Variants in NUF2 observed in about 807,000 individuals in gnomAD.
The protein encoded by NUF2 is NUF2 component of NDC80 kinetochore complex.
A neutral mutation model predicts 61.8 loss-of-function variants in NUF2; 34 were observed. The observed-to-expected ratio is 0.55, with a 90% CI of 0.42 to 0.73. The LOEUF is 0.73. NUF2 is among the 30% of genes least tolerant of loss of function. The pLI is 0.00. For missense variants in NUF2, 445 were observed against 539.1 expected (o/e 0.83, Z 1.73); for synonymous variants, 172 against 181.6 (o/e 0.95, Z 0.42).
Position 163,328,276 on chromosome 1 carries a change from T to A in NUF2, c.247T>A (p.Leu83Ile), listed in dbSNP as rs1319702851. Residue 83 changes from leucine to isoleucine, a missense_variant, in exon 4 of 14, where the codon TTA becomes ATA. Physicochemically the swap from Leu to Ile is conservative, Grantham distance 5 (BLOSUM62 2). Transcript: ENST00000271452. ...GTATCCACATTTAATGGAAGGCTTC[T>A]TACCATTCAGCAATTTAGTTACTCA... ...VMYPHLMEGF[L>I]PFSNLVTHLD... The A allele has an allele frequency of 1.2e-6, 2 of 1,608,080 alleles. No homozygotes were observed. Among genetic ancestry groups the A allele is most frequent in the African/African-American group, 2.7e-5 (2 of 74,820 alleles).
intron 5 of NUF2, 90 bp downstream of exon 5, chr1:163,328,997 A>G (rs1650517346): frequency 3.1e-6 from 2 of 645,376 alleles, no homozygotes; most frequent in Admixed American, 3.0e-5. Context: ...AAAAAAAGGA[A>G]AAAAACAACT....
chr1:163,345,796 A>C lies in NUF2; in HGVS notation c.926A>C (p.Lys309Thr). Residue 309 changes from lysine to threonine, a missense_variant, in exon 11 of 14, where the codon AAA (lysine) becomes ACA (threonine). By Grantham distance (78) the Lys-to-Thr change is moderately conservative (BLOSUM62 -1). Transcript: ENST00000271452. ...CAGGACCTTTCAGATAATAGGGAAA[A>C]ATTAGCCAGTATCTTAAAGGAGGTT... ...KIQDLSDNRE[K>T]LASILKESLN... 1 of 1,605,782 alleles carries C rather than the reference A, an allele frequency of 6.2e-7. No homozygotes were observed. The highest frequency in any genetic ancestry group is 8.5e-7 in the Non-Finnish European group (1 of 1,174,262).
At chr1:163,350,201 C>T (rs1651266537) in intron 13 of NUF2, among the ~76,000 whole-genome samples, 1 of 151,508 alleles carries the variant, frequency 6.6e-6, no homozygotes, top group Admixed American at 6.6e-5. Context: ...ACTCGGGAGG[C>T]TGAGGCAGGA....
rs757825693 is a variant in NUF2 at position 163,347,769 on chromosome 1, A to T, written c.955A>T (p.Asn319Tyr). The part of the protein sequence containing the change: ...KLASILKESL[N>Y]LEDQIESDES... ...TACTTCTTATAAAATACAGAGCCTG[A>T]ACTTGGAGGACCAAATTGAGAGTGA... Residue 319 changes from asparagine (N) to tyrosine (Y), a missense_variant, in exon 12 of 14, where the codon AAC becomes TAC. Asn to Tyr is a moderately radical substitution (Grantham distance 143). Coordinates refer to ENST00000271452, the MANE Select transcript of NUF2 (RefSeq NM_145697.3). The T allele has an allele frequency of 6.4e-7, 1 of 1,563,226 alleles. No individual in the cohort carries two copies.
chr1:163,355,384 T>C lies in NUF2; in HGVS notation c.1310T>C (p.Ile437Thr), dbSNP rs747780282. 6.2e-7 allele frequency: 1 copy of C among 1,608,884 alleles called. No homozygotes were observed. Among genetic ancestry groups the C allele is most frequent in the Middle Eastern group, 1.7e-4 (1 of 6,042 alleles). The change falls in exon 14 of 14, where the codon ATT becomes ACT. Residue 437 changes from isoleucine to threonine, a missense_variant. Coordinates refer to ENST00000271452, the MANE Select transcript of NUF2 (RefSeq NM_145697.3). ...KTALEKYHDG[I>T]EKAAEDSYAK... ...GCTTTGGAGAAATACCACGACGGTA[T>C]TGAAAAGGCAGCAGAGGACTCCTAT...
At chr1:163,328,186 T>G in intron 3 of NUF2, 42 bp from the exon 4 acceptor site, 2 of 1,287,922 alleles carry the variant, frequency 1.6e-6, no homozygotes, top group Non-Finnish European at 2.2e-6. Context: ...TCATTTTGTC[T>G]AATCAATGTG....
intron 13 of NUF2, among the ~76,000 whole-genome samples, chr1:163,354,565 A>G (rs1366338284): frequency 6.6e-6 from 1 of 152,146 alleles, no homozygotes; most frequent in Non-Finnish European, 1.5e-5. Context: ...GACACTTAAA[A>G]TTGAGAACAT....
intron 5 of NUF2, among the ~76,000 whole-genome samples, chr1:163,331,053 C>T (rs1177464578): frequency 7.1e-6 from 1 of 139,950 alleles, no homozygotes; most frequent in Non-Finnish European, 1.5e-5. Flanking sequence ...CGTTTCTGCA[C>T]TGGCTGGGAC....
chr1:163,321,979 T>G lies in NUF2; in HGVS notation c.-254T>G, dbSNP rs1437302250. On this transcript the variant is annotated 5_prime_UTR_variant, in exon 1 of 14. Coordinates refer to ENST00000271452, the MANE Select transcript of NUF2 (RefSeq NM_145697.3). ...AGTAGGAGGCGGCAAGTTTGAAAAG[T>G]GATGACGGTTGACGTTTGCTGATTT... is the stretch of plus-strand genomic sequence containing the variant. 2 of 152,268 alleles carry G rather than the reference T, an allele frequency of 1.3e-5. No individual in the cohort carries two copies. Among genetic ancestry groups the G allele is most frequent in the Non-Finnish European group, 2.9e-5 (2 of 68,108 alleles). The allele number at this position is 152,268 out of a possible 1,614,324, so 9.4% of individuals were successfully genotyped here. A position where few individuals can be genotyped will look rare whatever the true frequency, so the allele number is the denominator to read the frequency against.
At position 163,345,540 on chromosome 1, in the gene NUF2, C is replaced by T. The variant is rs147290182; in HGVS notation, c.808-138C>T. 6.6e-3 allele frequency: 4,534 copies of T among 688,260 alleles called. 46 individuals carry two copies. Among genetic ancestry groups the T allele is most frequent in the South Asian group, 0.027 (1,304 of 48,402 alleles). The allele number at this position is 688,260 out of a possible 1,614,324, so 42.6% of individuals were successfully genotyped here. On this transcript the variant is annotated intron_variant, in intron 10 of 13. Coordinates refer to ENST00000271452, the MANE Select transcript of NUF2 (RefSeq NM_145697.3). The stretch of plus-strand genomic sequence containing the variant: ...GTCAGTAATAGTGCTGTATTACTGA[C>T]CTAGAAATTTAATTGTTCCGTGCTC...
chr1:163,355,543 C>T lies in NUF2; in HGVS notation c.*74C>T, dbSNP rs979356560. The T allele has an allele frequency of 3.0e-5, 41 of 1,345,152 alleles. No individual in the cohort carries two copies. Among genetic ancestry groups the T allele is most frequent in the East Asian group, 7.4e-5 (3 of 40,670 alleles). 83.3% of individuals were successfully genotyped at this position (1,345,152 alleles called of 1,614,324 possible). ...TTCTATTTAGAAAGAAAAGTTGAAG[C>T]GAATGGAAGTATCAGAAGTACCAAA... On this transcript the variant is annotated 3_prime_UTR_variant, in exon 14 of 14. Coordinates refer to ENST00000271452, the MANE Select transcript of NUF2 (RefSeq NM_145697.3).
At chr1:163,337,942 A>G (rs940638032) in intron 6 of NUF2, 78 bp from the exon 7 acceptor site, 4 of 1,057,316 alleles carry the variant, frequency 3.8e-6, no homozygotes, top group East Asian at 2.4e-5. Flanking sequence ...GGTTCAAACT[A>G]TAGTATGAGT....
At chr1:163,328,094 G>A in intron 3 of NUF2, 134 bp from the exon 4 acceptor site, 1 of 513,268 alleles carries the variant, frequency 1.9e-6, no homozygotes, top group Non-Finnish European at 3.4e-6. Flanking sequence ...TGAAAACTCT[G>A]CATTTATACT....
At chr1:163,329,020 C>G (rs576078963) in intron 5 of NUF2, 113 bp downstream of exon 5, 2 of 524,904 alleles carry the variant, frequency 3.8e-6, no homozygotes, top group Admixed American at 7.2e-5. Flanking sequence ...AAGGAAATTG[C>G]CTTTAAAAAG....
At chr1:163,332,211 C>T (rs1650619492) in intron 5 of NUF2, among the ~76,000 whole-genome samples, 1 of 151,626 alleles carries the variant, frequency 6.6e-6, no homozygotes, top group African/African-American at 2.4e-5. Context: ...TTCTAATTTC[C>T]CTTTTGATTT....
intron 13 of NUF2, among the ~76,000 whole-genome samples, chr1:163,353,257 A>G (rs1054369099): frequency 1.0e-5 from 1 of 97,084 alleles, no homozygotes; most frequent in Non-Finnish European, 2.5e-5. Flanking sequence ...CCAATAATAT[A>G]TTGGTTGACT....
In NUF2 at chr1:163,327,592, G is replaced by T. The variant is rs191932231; in HGVS notation, c.198+30G>T. The T allele has an allele frequency of 1.2e-3, 1,643 of 1,351,696 alleles. 25 individuals carry two copies. The South Asian group carries it at 0.017, about 14-fold the overall frequency. 83.7% of individuals were successfully genotyped at this position (1,351,696 alleles called of 1,614,324 possible). On this transcript the variant is annotated intron_variant, in intron 3 of 13. Transcript: ENST00000271452. ...GTTTAAGATGAGGCAAAATTATGGG[G>T]TTTTTTTTGTTTGTTTGTTTGTTTT...
intron 13 of NUF2, among the ~76,000 whole-genome samples, chr1:163,350,124 AC>A (rs1651263446): frequency 6.6e-6 from 1 of 151,652 alleles, no homozygotes; most frequent in African/African-American, 2.4e-5. Flanking sequence ...ACACCGTGAA[AC>A]CCCGTCTCTA....
Position 163,343,829 on chromosome 1 carries a change from G to GA in NUF2, c.772dup (p.Met258AsnfsTer9), listed in dbSNP as rs1160982937. ...TCCAGAGAAGTTAAAGAATTATAAA[G>GA]AAAAAATGAAAGATACGGTCCAGAA... On this transcript the variant is annotated frameshift_variant, in exon 10 of 14. Transcript: ENST00000271452. LOFTEE classifies it high-confidence loss of function. 1.4e-6 allele frequency: 2 copies of GA among 1,458,298 alleles called. No homozygotes were observed. The allele number at this position is 1,458,298 out of a possible 1,614,324, so 90.3% of individuals were successfully genotyped here. A position where few individuals can be genotyped will look rare whatever the true frequency, so the allele number is the denominator to read the frequency against.
Sources: allele counts gnomAD v4.1 joint callset (sites outside exome capture counted in the v4.1 genomes callset), GRCh38; gene constraint gnomAD v4.1.1; transcripts MANE v1.5; gene names NCBI Gene and HGNC (gene_info 2026-07-23, HGNC 2026-07-21).